Variants in MBP observed in about 807,000 individuals in gnomAD.
MBP encodes Golli-MBP.
A neutral mutation model predicts 35.8 loss-of-function variants in MBP; 16 were observed. The ratio of observed to expected loss-of-function variants is 0.45; its 90% CI spans 0.30 to 0.68. The LOEUF is 0.68. Ranked by LOEUF, MBP falls within the 30% of genes least tolerant of loss-of-function variation. The pLI, the probability that MBP is intolerant of heterozygous loss-of-function variation, is 0.08. For missense variants in MBP, 380 were observed against 404.7 expected (o/e 0.94, Z 0.52); for synonymous variants, 143 against 159.6 (o/e 0.90, Z 0.78).
intron 3 of MBP, among the ~76,000 whole-genome samples, chr18:77,051,075 T>C (rs1421884453): frequency 6.6e-6 from 1 of 152,128 alleles, no homozygotes; most frequent in Non-Finnish European, 1.5e-5. Flanking sequence ...ATTTAGGTAA[T>C]GGTAAACTTG....
At chr18:77,093,395 A>C (rs1315117828) in intron 2 of MBP, 1 of 152,274 alleles carries the variant, frequency 6.6e-6, no homozygotes, top group Non-Finnish European at 1.5e-5. Context: ...GCCCTGAGGC[A>C]CCACTTCACG....
intron 2 of MBP, among the ~76,000 whole-genome samples, chr18:77,098,109 A>G (rs1975838944): frequency 6.9e-6 from 1 of 145,352 alleles, no homozygotes; most frequent in Non-Finnish European, 1.5e-5. Flanking sequence ...GTGCTTTTGT[A>G]ATTTTGTTGG....
chr18:76,998,110 C>G (rs1008305331), intron 4 of MBP, among the ~76,000 whole-genome samples: 1 of 152,224 alleles, frequency 6.6e-6, no homozygotes, highest in Non-Finnish European at 1.5e-5. Context: ...AGCATCACCG[C>G]CATCCATCTC....
chr18:77,010,030 C>T, intron 4 of MBP: 1 of 807,100 alleles, frequency 1.2e-6, no homozygotes, highest in Non-Finnish European at 2.1e-6. Context: ...TGGCAAGAGC[C>T]CAGAGTGAGG....
intron 2 of MBP, among the ~76,000 whole-genome samples, chr18:77,075,747 C>T (rs1974624974): frequency 6.6e-6 from 1 of 152,152 alleles, no homozygotes; most frequent in Admixed American, 6.5e-5. Flanking sequence ...AGGAGCCAGT[C>T]AGCCATAAAA....
rs138633527 is a variant in MBP, at chr18:77,002,185, C to A, written c.577-12125G>T. Reference sequence around the variant, plus strand: ...GGCCTCTCGTAAACCTGGAATGGTGCGTTCTCATGGAGGCAACCACGGCAG... The same window carrying A: ...GGCCTCTCGTAAACCTGGAATGGTGAGTTCTCATGGAGGCAACCACGGCAG... On this transcript the variant is annotated intron_variant, in intron 4 of 8. Coordinates refer to ENST00000355994, the MANE Select transcript of MBP (RefSeq NM_001025101.2). 2.4e-3 allele frequency among the ~76,000 whole-genome samples: 364 copies of A among 152,256 alleles called. 7 individuals are homozygous for A. The highest frequency in any genetic ancestry group is 9.6e-4 in the Non-Finnish European group (65 of 68,034).
intron 1 of MBP, among the ~76,000 whole-genome samples, chr18:77,111,079 C>T (rs895908494): frequency 2.7e-4 from 41 of 152,078 alleles, no homozygotes; most frequent in African/African-American, 9.9e-4. Context: ...CGCTGGGTCT[C>T]GGGGTTCTCA....
chr18:77,114,581 A>G (rs1976588739), intron 1 of MBP: 1 of 152,240 alleles, frequency 6.6e-6, no homozygotes, highest in Admixed American at 6.5e-5. Context: ...TCTCTGTGTA[A>G]AAATAGCGAG....
intron 2 of MBP, chr18:77,067,731 T>G: frequency 2.2e-6 from 1 of 457,008 alleles, no homozygotes; most frequent in Non-Finnish European, 4.4e-6. Flanking sequence ...TCTCTGCACT[T>G]AAGTTTGTAC....
intron 3 of MBP, among the ~76,000 whole-genome samples, chr18:77,063,660 A>G (rs971167082): frequency 3.9e-5 from 6 of 152,212 alleles, no homozygotes; most frequent in African/African-American, 1.4e-4. Flanking sequence ...CTATCAAAAC[A>G]CAACCCACGT....
intron 2 of MBP, among the ~76,000 whole-genome samples, chr18:77,088,121 C>T (rs909389493): frequency 9.2e-5 from 14 of 152,190 alleles, no homozygotes; most frequent in African/African-American, 2.9e-4. Context: ...GCCACCTGGC[C>T]TCCGGGATGC....
At chr18:77,130,675 T>A (rs1038569407) in intron 1 of MBP, among the ~76,000 whole-genome samples, 3 of 149,880 alleles carry the variant, frequency 2.0e-5, no homozygotes, top group African/African-American at 4.9e-5. Flanking sequence ...ACAAGAAAGT[T>A]TGGTCTCTTG....
At chr18:77,010,100 T>G in intron 4 of MBP, 1 of 603,258 alleles carries the variant, frequency 1.7e-6, no homozygotes, top group South Asian at 1.9e-5. Context: ...CATGTGCAGA[T>G]GATGGATGAT....
intron 2 of MBP, among the ~76,000 whole-genome samples, chr18:77,067,212 C>G (rs1974235545): frequency 6.6e-6 from 1 of 152,196 alleles, no homozygotes; most frequent in African/African-American, 2.4e-5. Context: ...TGGATGCCCC[C>G]CCGCCCCCTT....
At chr18:77,022,083 G>C (rs377597188) in intron 3 of MBP, among the ~76,000 whole-genome samples, 1 of 152,168 alleles carries the variant, frequency 6.6e-6, no homozygotes, top group Non-Finnish European at 1.5e-5. Context: ...GGATTCCAGT[G>C]CTTCTGATTT....
Position 77,085,543 on chromosome 18 carries a change from G to A in MBP, c.52-19158C>T, listed in dbSNP as rs190430152. Reference sequence around the variant, plus strand: ...ACAGTATCTGGTGCTCAGCTAGCGCGGAGCCAATGCCACGTGTCACCATTA... The same window carrying A: ...ACAGTATCTGGTGCTCAGCTAGCGCAGAGCCAATGCCACGTGTCACCATTA... On this transcript the variant is annotated intron_variant, in intron 2 of 8. Transcript: ENST00000355994. 3.5e-3 allele frequency among the ~76,000 whole-genome samples: 527 copies of A among 152,236 alleles called. 4 individuals carry two copies. Among genetic ancestry groups the A allele is most frequent in the Non-Finnish European group, 3.2e-3 (217 of 68,024 alleles).
intron 4 of MBP, among the ~76,000 whole-genome samples, chr18:77,009,501 A>G (rs1971201867): frequency 6.6e-6 from 1 of 152,244 alleles, no homozygotes; most frequent in Non-Finnish European, 1.5e-5. Flanking sequence ...CCTCAATACC[A>G]GAGCCACTCC....
chr18:76,988,373 A>T lies in MBP; in HGVS notation c.750+122T>A. The T allele has an allele frequency of 6.2e-7, 1 of 1,613,080 alleles. No homozygotes were observed. Among genetic ancestry groups the T allele is most frequent in the Non-Finnish European group, 8.5e-7 (1 of 1,179,432 alleles). On this transcript the variant is annotated intron_variant, in intron 7 of 8. Transcript: ENST00000355994. The surrounding 1 kb of genome is among the most constrained non-coding windows in gnomAD (Gnocchi z 5.2). ...GGCCCGATCCCAGCTGTGGGCAGAG[A>T]GGTCTCGAGAGGAGAGAAAAGGAGG...
At chr18:77,046,200 G>A (rs17060297) in intron 3 of MBP, among the ~76,000 whole-genome samples, 2,268 of 152,268 alleles carry the variant, frequency 0.015, 36 homozygotes, top group African/African-American at 0.039. Flanking sequence ...AACCTATAGA[G>A]ACTTCACGTC....
Sources: allele counts gnomAD v4.1 joint callset (sites outside exome capture counted in the v4.1 genomes callset), GRCh38; gene constraint gnomAD v4.1.1; non-coding constraint Gnocchi (gnomAD v3.1); transcripts MANE v1.5; gene names NCBI Gene and HGNC (gene_info 2026-07-23, HGNC 2026-07-21).